Variants in DDX60L observed in about 807,000 individuals in gnomAD.
The protein encoded by DDX60L is probable ATP-dependent RNA helicase DDX60-like.
In DDX60L, 191 loss-of-function variants were observed where a neutral mutation model predicts 211.6. The observed-to-expected ratio is 0.90, with a 90% confidence interval of 0.80 to 1.02. The LOEUF (loss-of-function observed/expected upper bound fraction) is 1.02, where lower values mean the gene tolerates loss of function less well. Ranked by LOEUF, DDX60L falls within the 50% of genes least tolerant of loss-of-function variation. The pLI is 0.00. For missense variants in DDX60L, 2,007 were observed against 1,984.1 expected, an observed-to-expected ratio of 1.01 and a Z score of -0.22; for synonymous variants, 706 against 694.1, an observed-to-expected ratio of 1.02 and a Z score of -0.27.
At chr4:168,450,765 T>C (rs1034609008) in intron 8 of DDX60L, among the ~76,000 whole-genome samples, 2 of 152,112 alleles carry the variant, frequency 1.3e-5, no homozygotes, top group East Asian at 3.9e-4. Flanking sequence ...AAAATAAAAT[T>C]AGCCAGGCAT....
At position 168,467,883 on chromosome 4, in the gene DDX60L, T is replaced by C. The variant is rs551581636; in HGVS notation, c.264+3864A>G. 2.6e-5 allele frequency among the ~76,000 whole-genome samples: 4 copies of C among 152,238 alleles called. No homozygotes were observed. The South Asian group carries it at 6.2e-4, about 24-fold the overall frequency. On this transcript the variant is annotated intron_variant, in intron 4 of 37. Coordinates refer to ENST00000682922, the MANE Select transcript of DDX60L (RefSeq NM_001012967.3). ...AACGAAGGCATTATAAAAAATAAAA[T>C]TGGCCTGGCACGGTGGCTCATGCCT... is the stretch of plus-strand genomic sequence containing the variant.
rs1757361579 is a variant in DDX60L, at chr4:168,461,862, TC to T, written c.442del (p.Glu148LysfsTer3). On this transcript the variant is annotated frameshift_variant, in exon 5 of 38. Coordinates refer to ENST00000682922, the MANE Select transcript of DDX60L (RefSeq NM_001012967.3). LOFTEE classifies it high-confidence loss of function. ...HYPYFLIVSE[E>X]GLSDLQTYLF... Reference sequence around the variant, plus strand: ...GTACGTTTGTAAATCACTCAGGCCTTCCTCTGAAACTATCAGAAAATACGGG... The same window carrying T: ...GTACGTTTGTAAATCACTCAGGCCTTCTCTGAAACTATCAGAAAATACGGG... 1 of 1,610,840 alleles carries T rather than the reference TC, an allele frequency of 6.2e-7. No individual in the cohort carries two copies. Among genetic ancestry groups the T allele is most frequent in the Admixed American group, 1.7e-5 (1 of 59,642 alleles).
In DDX60L at chr4:168,371,702, A is replaced by G; in HGVS notation, c.4838T>C (p.Leu1613Ser). ...TQAPLLWPWKLDNRGRRMPLN... is the reference protein window; with the variant it reads ...TQAPLLWPWKSDNRGRRMPLN... Reference sequence around the variant, plus strand: ...TGGCATTCTCCTTCCTCGGTTATCTAATTTCCATGGCCACAGCAGAGGAGC... The same window carrying G: ...TGGCATTCTCCTTCCTCGGTTATCTGATTTCCATGGCCACAGCAGAGGAGC... Residue 1613 changes from leucine to serine, a missense_variant, in exon 36 of 38, where the codon TTA becomes TCA. By Grantham distance (145) the Leu-to-Ser change is moderately radical (BLOSUM62 -2). Transcript: ENST00000682922. 1 of 1,612,422 alleles carries G rather than the reference A, an allele frequency of 6.2e-7. No homozygotes were observed. The highest frequency in any genetic ancestry group is 8.5e-7 in the Non-Finnish European group (1 of 1,179,092).
chr4:168,407,100 CT>C (rs1747875538), intron 22 of DDX60L, among the ~76,000 whole-genome samples: 1 of 152,090 alleles, frequency 6.6e-6, no homozygotes, highest in African/African-American at 2.4e-5. Flanking sequence ...TGAAATATCC[CT>C]TTGAAACAGA....
chr4:168,432,277 T>C (rs544455641), intron 12 of DDX60L, among the ~76,000 whole-genome samples, 178 bp downstream of exon 12: 10 of 148,892 alleles, frequency 6.7e-5, no homozygotes, highest in Non-Finnish European at 1.5e-4. Context: ...TACACACATA[T>C]ATGTATAGTA....
rs2149796077 is a variant in DDX60L at position 168,405,979 on chromosome 4, T to C, written c.3184A>G (p.Asn1062Asp). 1 of 1,590,678 alleles carries C rather than the reference T, an allele frequency of 6.3e-7. No homozygotes were observed. Among genetic ancestry groups the C allele is most frequent in the South Asian group, 1.2e-5 (1 of 85,962 alleles). ...YEENLKAELT[N>D]WIKNGQVKKV... ...TTCACTTGGCCATTTTTAATCCAAT[T>C]TGTCAATTCTGCCTTTAAGTTTTCT... The change falls in exon 24 of 38, where the codon AAT becomes GAT. Residue 1062 changes from asparagine to aspartate, a missense_variant. Physicochemically the swap from Asn to Asp is conservative, Grantham distance 23. Coordinates refer to ENST00000682922, the MANE Select transcript of DDX60L (RefSeq NM_001012967.3).
chr4:168,370,417 G>A (rs550243898), intron 36 of DDX60L, among the ~76,000 whole-genome samples: 1 of 152,138 alleles, frequency 6.6e-6, no homozygotes, highest in Non-Finnish European at 1.5e-5. Context: ...TGGTTACAAA[G>A]ATTGGGGAGG....
chr4:168,419,723 C>A lies in DDX60L; in HGVS notation c.2515-326G>T, dbSNP rs147901747. Among the ~76,000 whole-genome samples, 11 of 152,216 alleles carry A rather than the reference C, an allele frequency of 7.2e-5. No individual in the cohort carries two copies. In the East Asian group the frequency reaches 2.1e-3, roughly 29 times the overall value. On this transcript the variant is annotated intron_variant, in intron 18 of 37. Coordinates refer to ENST00000682922, the MANE Select transcript of DDX60L (RefSeq NM_001012967.3). ...CTATCAACACACAATCTTTTTGAGA[C>A]AAGGTTTTATTATGAGGATCCATAA... is the stretch of plus-strand genomic sequence containing the variant.
In DDX60L at chr4:168,373,768, A is replaced by T; in HGVS notation, c.4674T>A (p.Ser1558=). The change falls in exon 35 of 38, where the codon TCT becomes TCA. Residue 1558 remains serine, a synonymous_variant. Transcript: ENST00000682922. The stretch of plus-strand genomic sequence containing the variant: ...TTCCTTTCTTGCAGCTCATCAAGTG[A>T]GACACGAGTTGGGAGTCTTCACATT... ...GKECEDSQLV[S]HLMSCKKGRV... 8.1e-6 allele frequency: 13 copies of T among 1,614,050 alleles called. No individual in the cohort carries two copies. Among genetic ancestry groups the T allele is most frequent in the Non-Finnish European group, 1.0e-5 (12 of 1,179,928 alleles).
At chr4:168,388,466 C>T (rs1744258187) in intron 29 of DDX60L, among the ~76,000 whole-genome samples, 1 of 152,198 alleles carries the variant, frequency 6.6e-6, no homozygotes, top group Admixed American at 6.5e-5. Flanking sequence ...AAGGGCCCTA[C>T]TAATAACAGC....
At chr4:168,408,414 A>C (rs1048951686) in intron 22 of DDX60L, among the ~76,000 whole-genome samples, 14 of 152,174 alleles carry the variant, frequency 9.2e-5, no homozygotes, top group African/African-American at 3.4e-4. Context: ...TCACTTTGTC[A>C]ACTGTATCAC....
intron 17 of DDX60L, among the ~76,000 whole-genome samples, chr4:168,420,678 T>TAGAC (rs1442351738): frequency 1.0e-3 from 106 of 103,482 alleles, no homozygotes; most frequent in African/African-American, 2.9e-3. Flanking sequence ...GATAGATAGA[T>TAGAC]AGATAGACAG....
chr4:168,370,341 A>G (rs1579198366), intron 36 of DDX60L, among the ~76,000 whole-genome samples: 1 of 152,176 alleles, frequency 6.6e-6, no homozygotes, highest in East Asian at 1.9e-4. Context: ...ATATTGCATG[A>G]TATCACTCAC....
chr4:168,442,472 G>A (rs1263693852), intron 9 of DDX60L, among the ~76,000 whole-genome samples: 1 of 152,228 alleles, frequency 6.6e-6, no homozygotes, highest in Non-Finnish European at 1.5e-5. Flanking sequence ...CATTGCCCAG[G>A]CTTGATTAGG....
chr4:168,431,718 TA>T (rs1752386272), intron 12 of DDX60L, among the ~76,000 whole-genome samples: 2 of 151,802 alleles, frequency 1.3e-5, no homozygotes, highest in South Asian at 4.2e-4. Flanking sequence ...TAAAATAAAA[TA>T]AAAAGAAAAG....
chr4:168,406,744 A>C (rs1175688455), intron 22 of DDX60L, 38 bp from the exon 23 acceptor site: 1 of 1,343,144 alleles, frequency 7.4e-7, no homozygotes, highest in Non-Finnish European at 1.0e-6. Context: ...TGAAGAAATA[A>C]AATTACAATG....
chr4:168,444,246 G>A, intron 9 of DDX60L, among the ~76,000 whole-genome samples: 2 of 94,744 alleles, frequency 2.1e-5, no homozygotes, highest in African/African-American at 8.3e-5. Flanking sequence ...TGATAAAACA[G>A]ACTTTAAACC....
At chr4:168,432,430 A>G (rs771937815) in intron 12 of DDX60L, 25 bp downstream of exon 12, 4 of 1,377,196 alleles carry the variant, frequency 2.9e-6, no homozygotes, top group South Asian at 2.9e-5. Flanking sequence ...TATAAGCTCT[A>G]TTTTATCGTG....
intron 22 of DDX60L, among the ~76,000 whole-genome samples, chr4:168,411,776 G>A (rs1434444183): frequency 6.6e-6 from 1 of 152,034 alleles, no homozygotes; most frequent in Admixed American, 6.6e-5. Flanking sequence ...GCTAGGGAGT[G>A]ATTGCATCAT....
Sources: allele counts gnomAD v4.1 joint callset (sites outside exome capture counted in the v4.1 genomes callset), GRCh38; gene constraint gnomAD v4.1.1; transcripts MANE v1.5; gene names NCBI Gene and HGNC (gene_info 2026-07-23, HGNC 2026-07-21).